FMN2: variants seen among roughly 807,000 people sequenced by gnomAD.
FMN2 encodes the protein formin 2, also known as formin-2.
FMN2 carries 51 observed loss-of-function variants against 142.3 expected under a neutral mutation model. The observed-to-expected ratio is 0.36, with a 90% confidence interval of 0.29 to 0.45. The LOEUF (loss-of-function observed/expected upper bound fraction) is 0.45, where lower values mean the gene tolerates loss of function less well. FMN2 is among the 20% of genes least tolerant of loss of function. The pLI is 1.00. For synonymous variants in FMN2, 882 were observed against 869.8 expected (o/e 1.01, Z -0.25); for missense variants, 1,936 against 2,122.8 (o/e 0.91, Z 1.73).
rs1666294999 is a variant in FMN2, at chr1:240,205,377, C to G, written c.1987-1422C>G. ...CCTATGTTTGTTTGTCTTCCTTTCT[C>G]TCTATCAATTCCTTCTTCCTCTCTT... On this transcript the variant is annotated intron_variant, in intron 4 of 17. Coordinates refer to ENST00000319653, the MANE Select transcript of FMN2 (RefSeq NM_020066.5). Among the ~76,000 whole-genome samples the G allele has an allele frequency of 2.0e-5, 3 of 151,144 alleles. No homozygotes were observed. The South Asian group carries it at 6.2e-4, about 31-fold the overall frequency.
intron 5 of FMN2, among the ~76,000 whole-genome samples, chr1:240,210,607 C>T (rs938317442): frequency 1.3e-5 from 2 of 152,106 alleles, no homozygotes; most frequent in Non-Finnish European, 2.9e-5. Flanking sequence ...TGTGTTTACC[C>T]TTTTTAGGTG....
intron 14 of FMN2, among the ~76,000 whole-genome samples, chr1:240,364,435 A>G (rs1366993709): frequency 6.6e-6 from 1 of 152,212 alleles, no homozygotes; most frequent in Non-Finnish European, 1.5e-5. Flanking sequence ...ACCGTGAACC[A>G]GACGGACAAA....
chr1:240,228,226 C>A (rs1667386819), intron 6 of FMN2, among the ~76,000 whole-genome samples: 1 of 145,148 alleles, frequency 6.9e-6, no homozygotes, highest in Admixed American at 7.2e-5. Flanking sequence ...TCGCTTGAAC[C>A]CAGGAGGCAG....
intron 7 of FMN2, among the ~76,000 whole-genome samples, chr1:240,261,675 C>T (rs141752281): frequency 1.1e-3 from 167 of 152,268 alleles, no homozygotes; most frequent in African/African-American, 3.9e-3. Flanking sequence ...GGAGCATTCT[C>T]AGCAACACAT....
intron 14 of FMN2, among the ~76,000 whole-genome samples, chr1:240,387,481 A>T (rs1208354489): frequency 6.6e-6 from 1 of 152,186 alleles, no homozygotes; most frequent in African/African-American, 2.4e-5. Flanking sequence ...AAAAGTGGGG[A>T]GGGGACTAAG....
At chr1:240,209,843 G>A (rs1458830870) in intron 5 of FMN2, among the ~76,000 whole-genome samples, 6 of 151,864 alleles carry the variant, frequency 4.0e-5, no homozygotes, top group African/African-American at 4.8e-5. Context: ...GGCGGAGCTT[G>A]CAGTGAGCCG....
At chr1:240,245,571 T>C (rs1430604534) in intron 6 of FMN2, 6 of 471,162 alleles carry the variant, frequency 1.3e-5, no homozygotes, top group African/African-American at 1.2e-4. Context: ...GGATGGTAAG[T>C]GTCTGGTTTT....
intron 16 of FMN2, among the ~76,000 whole-genome samples, chr1:240,444,586 G>A (rs1388640997): frequency 6.6e-6 from 1 of 152,218 alleles, no homozygotes; most frequent in Non-Finnish European, 1.5e-5. Context: ...TGATCCAAGA[G>A]AAAGGATAGC....
intron 7 of FMN2, among the ~76,000 whole-genome samples, chr1:240,269,876 C>T (rs978666726): frequency 2.6e-5 from 4 of 151,606 alleles, no homozygotes; most frequent in Admixed American, 1.3e-4. Flanking sequence ...TTTTATAGGT[C>T]GACTTTTGTA....
chr1:240,449,889 C>T (rs1396533242), intron 16 of FMN2, among the ~76,000 whole-genome samples: 1 of 151,962 alleles, frequency 6.6e-6, no homozygotes, highest in African/African-American at 2.4e-5. Flanking sequence ...TTAATATATC[C>T]ATTAACTTTT....
chr1:240,188,169 C>T, intron 3 of FMN2, 38 bp from the exon 4 acceptor site: 1 of 1,598,854 alleles, frequency 6.3e-7, no homozygotes, highest in East Asian at 2.2e-5. Flanking sequence ...GAAAATTGTC[C>T]TTTAAGATAC....
chr1:240,300,745 C>T (rs1474056694), intron 8 of FMN2, among the ~76,000 whole-genome samples: 1 of 152,112 alleles, frequency 6.6e-6, no homozygotes, highest in East Asian at 1.9e-4. Flanking sequence ...GTATATTAGG[C>T]ACATGCATAT....
intron 2 of FMN2, among the ~76,000 whole-genome samples, chr1:240,146,825 A>G (rs1663503240): frequency 6.6e-6 from 1 of 152,216 alleles, no homozygotes; most frequent in Non-Finnish European, 1.5e-5. Context: ...ACACCAATCT[A>G]GTATCATTAT....
At chr1:240,411,746 G>A (rs1040634658) in intron 15 of FMN2, among the ~76,000 whole-genome samples, 2 of 151,802 alleles carry the variant, frequency 1.3e-5, no homozygotes, top group African/African-American at 4.8e-5. Flanking sequence ...GTTTTTTCTG[G>A]TTGGAGTTCC....
At chr1:240,370,781 G>A (rs961542378) in intron 14 of FMN2, among the ~76,000 whole-genome samples, 5 of 151,978 alleles carry the variant, frequency 3.3e-5, no homozygotes, top group African/African-American at 9.7e-5. Flanking sequence ...TTCTGTTACC[G>A]TATAATCACC....
chr1:240,259,545 T>C (rs1242091474), intron 7 of FMN2, among the ~76,000 whole-genome samples: 1 of 150,512 alleles, frequency 6.6e-6, no homozygotes, highest in Non-Finnish European at 1.5e-5. Context: ...CAAGAGGTTG[T>C]GCCCTCCTGC....
At chr1:240,240,080 TATTA>T (rs1373480243) in intron 6 of FMN2, among the ~76,000 whole-genome samples, 1 of 152,218 alleles carries the variant, frequency 6.6e-6, no homozygotes, top group Non-Finnish European at 1.5e-5. Flanking sequence ...CGTCTGCCCA[TATTA>T]ATTATATTTG....
At chr1:240,122,075 A>T (rs140203097) in intron 1 of FMN2, among the ~76,000 whole-genome samples, 1,506 of 146,670 alleles carry the variant, frequency 0.01, 22 homozygotes, top group African/African-American at 0.029. Flanking sequence ...TTAATTAATT[A>T]ATTTATTTAT....
chr1:240,158,602 C>T (rs1391757933), intron 2 of FMN2, among the ~76,000 whole-genome samples: 1 of 152,050 alleles, frequency 6.6e-6, no homozygotes, highest in Admixed American at 6.6e-5. Flanking sequence ...GCATCTCCCC[C>T]CCACCACGCC....
Sources: gnomAD v4.1 joint callset for allele counts (sites outside exome capture counted in the v4.1 genomes callset) on GRCh38, gnomAD v4.1.1 for gene constraint, MANE v1.5 for transcripts, NCBI Gene and HGNC (gene_info 2026-07-23, HGNC 2026-07-21) for gene names.